The following SPMIP2 variants were observed in gnomAD, a reference collection of about 807,000 sequenced individuals.
SPMIP2 encodes protein SPMIP2.
At chr4:158,954,108 AG>A in the SPMIP2 span, among the ~76,000 whole-genome samples, 2 of 152,134 alleles carry the variant, frequency 1.3e-5, no homozygotes, top group African/African-American at 4.8e-5. Context: ...TGAGATTTGG[AG>A]GGGCCAGGGG....
the SPMIP2 span, among the ~76,000 whole-genome samples, chr4:158,953,948 C>T: frequency 1.3e-5 from 2 of 152,294 alleles, no homozygotes; most frequent in African/African-American, 2.4e-5. Flanking sequence ...AAGTAACTAG[C>T]TTGCTTTTGA....
the SPMIP2 span, among the ~76,000 whole-genome samples, chr4:158,910,037 C>T: frequency 6.6e-6 from 1 of 151,514 alleles, no homozygotes; most frequent in African/African-American, 2.4e-5. Flanking sequence ...GAGACTCCAT[C>T]TCAAAAAAAA....
At chr4:159,081,188 C>T in the SPMIP2 span, among the ~76,000 whole-genome samples, 1 of 152,004 alleles carries the variant, frequency 6.6e-6, no homozygotes, top group African/African-American at 2.4e-5. Context: ...CAGGTGCGCA[C>T]CACTGCACCT....
chr4:159,057,272 C>T, the SPMIP2 span, among the ~76,000 whole-genome samples: 26 of 152,328 alleles, frequency 1.7e-4, no homozygotes, highest in African/African-American at 5.3e-4. Flanking sequence ...GCTCTCATTT[C>T]GTGACTGCCC....
chr4:159,026,324 T>C, the SPMIP2 span: 1 of 625,404 alleles, frequency 1.6e-6, no homozygotes, highest in African/African-American at 1.8e-5. Flanking sequence ...TCTCGTACCC[T>C]GGGAGAGAAG....
the SPMIP2 span, among the ~76,000 whole-genome samples, chr4:158,911,432 C>T: frequency 2.5e-4 from 38 of 152,258 alleles, no homozygotes; most frequent in Admixed American, 2.5e-3. Flanking sequence ...CCAGCTGATT[C>T]ATCTTCTCCA....
chr4:158,950,740 A>G, the SPMIP2 span, among the ~76,000 whole-genome samples: 2 of 152,148 alleles, frequency 1.3e-5, no homozygotes, highest in African/African-American at 4.8e-5. Context: ...TACTAAAAAC[A>G]CAAAAATTAG....
chr4:159,038,881 T>TAG, the SPMIP2 span: 1 of 152,560 alleles, frequency 6.6e-6, no homozygotes, highest in Non-Finnish European at 1.5e-5. Context: ...TCCTCATTGC[T>TAG]AGAGAGTCAT....
the SPMIP2 span, among the ~76,000 whole-genome samples, chr4:158,948,201 G>A: frequency 1.3e-5 from 2 of 151,966 alleles, no homozygotes; most frequent in Non-Finnish European, 2.9e-5. Flanking sequence ...CCCTTTGCCC[G>A]TCACCCTTGT....
At chr4:159,007,303 C>T in the SPMIP2 span, 4 of 850,606 alleles carry the variant, frequency 4.7e-6, no homozygotes, top group Admixed American at 5.3e-5. Context: ...TCCCTCCGGG[C>T]CCCACTGGAC....
chr4:158,911,392 T>TAAAA, the SPMIP2 span, among the ~76,000 whole-genome samples: 1 of 150,952 alleles, frequency 6.6e-6, no homozygotes, highest in African/African-American at 2.4e-5. Context: ...ATAAAATAAA[T>TAAAA]AAAAGCCCAG....
chr4:158,976,627 G>A, the SPMIP2 span, among the ~76,000 whole-genome samples: 2 of 150,330 alleles, frequency 1.3e-5, no homozygotes, highest in South Asian at 4.2e-4. Flanking sequence ...TGCATTCCAG[G>A]GATGAAGCCA....
At chr4:159,051,854 CTT>C in the SPMIP2 span, among the ~76,000 whole-genome samples, 4 of 152,086 alleles carry the variant, frequency 2.6e-5, no homozygotes, top group African/African-American at 9.7e-5. Context: ...GCCTATTACT[CTT>C]TGTTTCATTA....
the SPMIP2 span, chr4:158,895,824 A>G: frequency 6.2e-7 from 1 of 1,613,308 alleles, no homozygotes; most frequent in Admixed American, 1.7e-5. Flanking sequence ...ATCTCCGGGG[A>G]CACACACGAG....
the SPMIP2 span, among the ~76,000 whole-genome samples, chr4:158,893,868 T>C: frequency 6.6e-6 from 1 of 152,228 alleles, no homozygotes; most frequent in African/African-American, 2.4e-5. Context: ...TCTTTTTACT[T>C]CCTTTGGACA....
the SPMIP2 span, among the ~76,000 whole-genome samples, chr4:158,900,094 C>T: frequency 2.0e-5 from 3 of 152,128 alleles, no homozygotes; most frequent in Non-Finnish European, 2.9e-5. Flanking sequence ...GCCTTCATTT[C>T]GTTATGTACC....
chr4:159,076,938 C>T, the SPMIP2 span, among the ~76,000 whole-genome samples: 2 of 151,862 alleles, frequency 1.3e-5, no homozygotes, highest in Non-Finnish European at 2.9e-5. Flanking sequence ...TAGGTTAGAC[C>T]GATTCTCCTG....
the SPMIP2 span, among the ~76,000 whole-genome samples, chr4:158,928,685 G>A: frequency 1.2e-4 from 18 of 152,272 alleles, no homozygotes; most frequent in South Asian, 3.7e-3. Context: ...CCACACAGTG[G>A]AAGCTTTGTT....
At chr4:159,041,188 G>C in the SPMIP2 span, among the ~76,000 whole-genome samples, 1 of 152,184 alleles carries the variant, frequency 6.6e-6, no homozygotes, top group Non-Finnish European at 1.5e-5. Context: ...TGGGTAAGAT[G>C]ACGCTGAGAG....
Sources: gnomAD v4.1 joint callset for allele counts (sites outside exome capture counted in the v4.1 genomes callset) on GRCh38, gnomAD v4.1.1 for gene constraint, MANE v1.5 for transcripts, NCBI Gene and HGNC (gene_info 2026-07-23, HGNC 2026-07-21) for gene names.